The following BMPER variants were observed in gnomAD, a reference collection of about 807,000 sequenced individuals.
The protein encoded by BMPER is BMP-binding endothelial regulator protein.
Under a neutral mutation model 87.3 loss-of-function variants are expected in BMPER, and 45 were observed. The observed-to-expected ratio is 0.52, with a 90% CI of 0.41 to 0.66. BMPER has a LOEUF of 0.66. BMPER is among the 30% of genes least tolerant of loss of function. The pLI is 0.00. For missense variants in BMPER, 784 were observed against 867.5 expected (o/e 0.90, Z 1.21); for synonymous variants, 326 against 316.2 (o/e 1.03, Z -0.33).
chr7:34,082,505 A>T (rs953140386), intron 12 of BMPER, among the ~76,000 whole-genome samples: 1 of 152,172 alleles, frequency 6.6e-6, no homozygotes, highest in Admixed American at 6.5e-5. Context: ...TGGTCTGTGA[A>T]AAATCTTCTT....
intron 14 of BMPER, 111 bp downstream of exon 14, chr7:34,143,471 A>G: frequency 6.6e-7 from 1 of 1,506,368 alleles, no homozygotes; most frequent in Non-Finnish European, 9.0e-7. Context: ...CCCTTGCCAG[A>G]GGAAAATCCC....
chr7:34,121,668 C>T (rs1790266270), intron 13 of BMPER, among the ~76,000 whole-genome samples: 1 of 152,242 alleles, frequency 6.6e-6, no homozygotes, highest in Non-Finnish European at 1.5e-5. Context: ...TGACTTGACT[C>T]TGAGTTACCA....
At chr7:34,097,553 CCATAG>C (rs1218974262) in intron 13 of BMPER, among the ~76,000 whole-genome samples, 2 of 152,032 alleles carry the variant, frequency 1.3e-5, no homozygotes, top group Admixed American at 1.3e-4. Flanking sequence ...TGTGTTAGGT[CCATAG>C]TTCTCAAGCT....
chr7:34,147,130 T>C (rs746573852), intron 14 of BMPER, among the ~76,000 whole-genome samples: 2 of 152,200 alleles, frequency 1.3e-5, no homozygotes, highest in African/African-American at 4.8e-5. Context: ...TGCTGGGCTA[T>C]GTGAACAGTT....
Position 34,146,127 on chromosome 7 carries a change from A to G in BMPER, c.1876+2767A>G, listed in dbSNP as rs139410646. Among the ~76,000 whole-genome samples the G allele has an allele frequency of 1.3e-3, 202 of 152,294 alleles. 1 individual carries two copies. The highest frequency in any genetic ancestry group is 4.4e-3 in the African/African-American group (184 of 41,564). On this transcript the variant is annotated intron_variant, in intron 14 of 14. Transcript: ENST00000649409. ...GGTACATGAAGAAATAAATTTACAC[A>G]GATCTGTAGCATCTCTCAGTAGATT...
chr7:33,982,115 A>G (rs751352817), intron 6 of BMPER, among the ~76,000 whole-genome samples: 3 of 152,204 alleles, frequency 2.0e-5, no homozygotes, highest in Non-Finnish European at 4.4e-5. Context: ...TAGGAAGGAA[A>G]GAGATGCCTC....
intron 6 of BMPER, among the ~76,000 whole-genome samples, chr7:34,014,856 T>A (rs564923634): frequency 6.6e-6 from 1 of 152,070 alleles, no homozygotes; most frequent in East Asian, 1.9e-4. Context: ...CATTTTCTTT[T>A]ATCACTAATT....
chr7:34,097,090 A>G (rs1455926040), intron 13 of BMPER, among the ~76,000 whole-genome samples: 1 of 152,234 alleles, frequency 6.6e-6, no homozygotes, highest in Non-Finnish European at 1.5e-5. Flanking sequence ...GCTGGATGCT[A>G]TGAGAAACGT....
chr7:33,980,414 G>A (rs1270972689), intron 6 of BMPER, among the ~76,000 whole-genome samples: 1 of 152,176 alleles, frequency 6.6e-6, no homozygotes, highest in Non-Finnish European at 1.5e-5. Flanking sequence ...TATACTGAGT[G>A]TTGGTTAAAG....
chr7:34,136,271 A>G (rs1427486579), intron 13 of BMPER, among the ~76,000 whole-genome samples: 1 of 152,232 alleles, frequency 6.6e-6, no homozygotes, highest in Non-Finnish European at 1.5e-5. Context: ...TTTTCATGTG[A>G]CAGTGGTGTT....
At chr7:34,022,070 T>G (rs1436648101) in intron 6 of BMPER, among the ~76,000 whole-genome samples, 1 of 152,032 alleles carries the variant, frequency 6.6e-6, no homozygotes, top group Non-Finnish European at 1.5e-5. Flanking sequence ...CAATCATGGC[T>G]TCTGGAGGCA....
At chr7:33,945,846 A>T (rs1784881276) in intron 3 of BMPER, among the ~76,000 whole-genome samples, 1 of 152,086 alleles carries the variant, frequency 6.6e-6, no homozygotes, top group Admixed American at 6.5e-5. Context: ...GGAGAAGTTC[A>T]GTCATTCATC....
intron 13 of BMPER, among the ~76,000 whole-genome samples, chr7:34,086,634 G>T (rs968548496): frequency 6.6e-6 from 1 of 152,208 alleles, no homozygotes; most frequent in Admixed American, 6.5e-5. Context: ...GAGACTTCAC[G>T]TCTAGAGTCA....
chr7:33,927,653 A>T (rs1437209530), intron 2 of BMPER, among the ~76,000 whole-genome samples: 2 of 151,994 alleles, frequency 1.3e-5, no homozygotes, highest in African/African-American at 4.8e-5. Flanking sequence ...GAGTTACCTA[A>T]TATTATTACC....
chr7:34,052,280 C>T (rs1788165759), intron 8 of BMPER, among the ~76,000 whole-genome samples: 1 of 152,148 alleles, frequency 6.6e-6, no homozygotes, highest in Non-Finnish European at 1.5e-5. Flanking sequence ...TCTAATTATC[C>T]AAGATGAATT....
upstream of BMPER, chr7:33,905,491 C>G: frequency 7.2e-7 from 1 of 1,395,176 alleles, no homozygotes; most frequent in Admixed American, 2.0e-5. Context: ...GCGCCCGCCT[C>G]CCTCCTTCGC....
intron 13 of BMPER, among the ~76,000 whole-genome samples, chr7:34,103,766 A>T (rs1420339): frequency 6.6e-6 from 1 of 152,170 alleles, no homozygotes; most frequent in Non-Finnish European, 1.5e-5. Flanking sequence ...AGGTTTGAAG[A>T]GCTGCTATAA....
intron 6 of BMPER, among the ~76,000 whole-genome samples, chr7:34,015,755 T>G (rs532233012): frequency 1.3e-5 from 2 of 151,974 alleles, no homozygotes; most frequent in East Asian, 3.9e-4. Flanking sequence ...GGAACAATGT[T>G]ATGGGACTGA....
intron 13 of BMPER, among the ~76,000 whole-genome samples, chr7:34,139,107 C>T (rs62451689): frequency 0.55 from 83,767 of 152,024 alleles, 23,888 homozygotes; most frequent in East Asian, 0.8. Flanking sequence ...TTGTTTTGTC[C>T]CTCCCTAAAA....
Sources: gnomAD v4.1 joint callset for allele counts (sites outside exome capture counted in the v4.1 genomes callset) on GRCh38, gnomAD v4.1.1 for gene constraint, MANE v1.5 for transcripts, NCBI Gene and HGNC (gene_info 2026-07-23, HGNC 2026-07-21) for gene names.